The following CAPN14 variants were observed in gnomAD, a reference collection of about 807,000 sequenced individuals.
CAPN14 encodes calpain-14.
Under a neutral mutation model 101.3 loss-of-function variants are expected in CAPN14, and 94 were observed. That is an observed-to-expected ratio of 0.93 (90% CI 0.79 to 1.10). The LOEUF (loss-of-function observed/expected upper bound fraction) is 1.10, where lower values mean the gene tolerates loss of function less well. CAPN14 is among the 50% of genes least tolerant of loss of function. CAPN14 has a pLI of 0.00. For missense variants in CAPN14, 837 were observed against 828.4 expected, an observed-to-expected ratio of 1.01 and a Z score of -0.13; for synonymous variants, 338 against 317.9, an observed-to-expected ratio of 1.06 and a Z score of -0.67.
At chr2:31,185,833 C>T (rs1014242835) in intron 16 of CAPN14, among the ~76,000 whole-genome samples, 3 of 152,282 alleles carry the variant, frequency 2.0e-5, no homozygotes, top group South Asian at 4.2e-4. Context: ...GAAGTTCATT[C>T]GTCTCCCTGA....
intron 21 of CAPN14, among the ~76,000 whole-genome samples, chr2:31,175,118 G>C (rs1680226626): frequency 6.6e-6 from 1 of 152,160 alleles, no homozygotes; most frequent in Non-Finnish European, 1.5e-5. Flanking sequence ...AACTCATATA[G>C]AGGGGACCTC....
In CAPN14 at chr2:31,192,490, GGGGGAAATACTGT is replaced by G. The variant is rs1400637307; in HGVS notation, c.1115-405_1115-393del. Among the ~76,000 whole-genome samples, 3 of 152,180 alleles carry G rather than the reference GGGGGAAATACTGT, an allele frequency of 2.0e-5. No individual in the cohort carries two copies. The East Asian group carries it at 5.8e-4, about 29-fold the overall frequency. On this transcript the variant is annotated intron_variant, in intron 10 of 21. Transcript: ENST00000403897. The stretch of plus-strand genomic sequence containing the variant: ...TACCTTAAGGTCAGCTTCAGACTAT[GGGGGAAATACTGT>G]GTCAAAAGGGGGACTCCAGAGCTAA...
At chr2:31,218,907 G>T (rs532307033), upstream of CAPN14, among the ~76,000 whole-genome samples, 1 of 152,128 alleles carries the variant, frequency 6.6e-6, no homozygotes. Context: ...ACCCTTCCTC[G>T]CATGGGTCTG....
chr2:31,191,891 C>G (rs1386092952), intron 11 of CAPN14, 44 bp downstream of exon 11: 4 of 1,484,610 alleles, frequency 2.7e-6, no homozygotes, highest in Non-Finnish European at 3.6e-6. Context: ...GTTGGTGACC[C>G]CCACGCTTGG....
In CAPN14 at chr2:31,203,055, G is replaced by A; in HGVS notation, c.295+15C>T. ...GGCAGCCTAGTGTCTGTCTCTCGGG[G>A]CTGTGCAAACTTACCTACTATCCCC... On this transcript the variant is annotated intron_variant, in intron 3 of 21. Transcript: ENST00000403897. 1 of 1,549,732 alleles carries A rather than the reference G, an allele frequency of 6.5e-7. No individual in the cohort carries two copies.
intron 1 of CAPN14, among the ~76,000 whole-genome samples, chr2:31,214,688 T>C (rs1376373008): frequency 2.6e-5 from 4 of 152,070 alleles, no homozygotes; most frequent in African/African-American, 9.7e-5. Flanking sequence ...CATTTGACTT[T>C]ATGAGACACT....
upstream of CAPN14, among the ~76,000 whole-genome samples, chr2:31,221,138 G>A (rs760174206): frequency 2.0e-5 from 3 of 152,170 alleles, no homozygotes; most frequent in African/African-American, 2.4e-5. Flanking sequence ...AAAAATATTC[G>A]TTAAGAAATT....
chr2:31,193,080 C>A (rs376666743), intron 10 of CAPN14, 51 bp downstream of exon 10: 5 of 1,497,590 alleles, frequency 3.3e-6, no homozygotes, highest in Non-Finnish European at 3.6e-6. Context: ...CATTCTGACA[C>A]CCCCGCCCAC....
chr2:31,174,592 A>T lies in CAPN14; in HGVS notation c.*89T>A. 1.5e-6 allele frequency: 2 copies of T among 1,370,100 alleles called. No individual in the cohort carries two copies. The allele number at this position is 1,370,100 out of a possible 1,614,324, so 84.9% of individuals were successfully genotyped here. ...AGTGAGGCTGTCCTGAAGATCAGTA[A>T]GTAGGGTGGGCATGGGTTGGTCTCA... On this transcript the variant is annotated 3_prime_UTR_variant, in exon 22 of 22. Transcript: ENST00000403897.
intron 18 of CAPN14, 24 bp downstream of exon 18, chr2:31,178,487 G>C: frequency 6.5e-7 from 1 of 1,534,790 alleles, no homozygotes; most frequent in East Asian, 2.5e-5. Flanking sequence ...CTTCCAAAGA[G>C]GTGTGGTTAA....
chr2:31,205,614 A>C (rs1682031992), intron 1 of CAPN14, 115 bp from the exon 2 acceptor site: 2 of 650,196 alleles, frequency 3.1e-6, no homozygotes, highest in Admixed American at 2.6e-5. Flanking sequence ...CTGGTGAGAA[A>C]GAGACAGAAG....
In CAPN14 at chr2:31,203,135, A is replaced by C; in HGVS notation, c.230T>G (p.Leu77Arg). Residue 77 changes from leucine (L) to arginine (R), a missense_variant, in exon 3 of 22, where the codon CTG becomes CGG. Transcript: ENST00000403897. ...AAAATAAAACTGGGGATTGCTGTGCAGCTCCTGGGAAAGACAAACAGAATT... is the reference window on the plus strand; with the variant it reads ...AAAATAAAACTGGGGATTGCTGTGCCGCTCCTGGGAAAGACAAACAGAATT... ...PRLQWKRPPELHSNPQFYFAK... is the reference protein window; with the variant it reads ...PRLQWKRPPERHSNPQFYFAK... The C allele has an allele frequency of 6.4e-7, 1 of 1,551,556 alleles. No individual in the cohort carries two copies. The highest frequency in any genetic ancestry group is 8.7e-7 in the Non-Finnish European group (1 of 1,146,862).
chr2:31,178,636 G>T, intron 17 of CAPN14, 57 bp from the exon 18 acceptor site: 2 of 1,119,180 alleles, frequency 1.8e-6, no homozygotes, highest in Non-Finnish European at 2.5e-6. Context: ...TGCTTTGGAG[G>T]CAGTGATCAG....
At chr2:31,204,934 G>A (rs1441428378) in intron 2 of CAPN14, among the ~76,000 whole-genome samples, 2 of 152,114 alleles carry the variant, frequency 1.3e-5, no homozygotes, top group Non-Finnish European at 2.9e-5. Flanking sequence ...TCTGAAGTAG[G>A]GGCAGTTTTG....
chr2:31,178,698 C>G (rs1680436344), intron 17 of CAPN14, 119 bp from the exon 18 acceptor site: 2 of 646,180 alleles, frequency 3.1e-6, no homozygotes, highest in Non-Finnish European at 5.2e-6. Context: ...AATGTCTGAT[C>G]ATGTCTGATT....
At chr2:31,197,032 T>G (rs1355779072) in intron 8 of CAPN14, among the ~76,000 whole-genome samples, 1 of 152,170 alleles carries the variant, frequency 6.6e-6, no homozygotes, top group Non-Finnish European at 1.5e-5. Flanking sequence ...TGGCAAGCCC[T>G]CAAACAAACA....
intron 13 of CAPN14, among the ~76,000 whole-genome samples, chr2:31,188,723 G>A (rs533017966): frequency 1.3e-5 from 2 of 152,084 alleles, no homozygotes; most frequent in African/African-American, 4.8e-5. Context: ...ACAATCATAG[G>A]CAAAATAATA....
chr2:31,224,257 C>T (rs1376834824), intron 2 of CAPN14, among the ~76,000 whole-genome samples: 1 of 152,132 alleles, frequency 6.6e-6, no homozygotes, highest in Non-Finnish European at 1.5e-5. Flanking sequence ...CAGGAAAGAA[C>T]ACTCAGTACA....
chr2:31,187,924 CTT>C, intron 14 of CAPN14, 110 bp from the exon 15 acceptor site: 1 of 859,624 alleles, frequency 1.2e-6, no homozygotes, highest in Non-Finnish European at 1.8e-6. Context: ...ATGAGCTTGA[CTT>C]TGCATCGTCT....
Sources: allele counts gnomAD v4.1 joint callset (sites outside exome capture counted in the v4.1 genomes callset), GRCh38; gene constraint gnomAD v4.1.1; transcripts MANE v1.5; gene names NCBI Gene and HGNC (gene_info 2026-07-23, HGNC 2026-07-21).